PBX4: variants seen among roughly 807,000 people sequenced by gnomAD.
PBX4 encodes PBX homeobox 4.
PBX4 carries 26 observed loss-of-function variants against 35.1 expected under a neutral mutation model. That is an observed-to-expected ratio of 0.74 (90% CI 0.54 to 1.03). The LOEUF is 1.03. Among genes scored for constraint, PBX4 ranks in the 50% least tolerant of loss-of-function variants. The pLI is 0.00. For synonymous variants in PBX4, 199 were observed against 204.2 expected, an observed-to-expected ratio of 0.97 and a Z score of 0.22; for missense variants, 448 against 504.3, an observed-to-expected ratio of 0.89 and a Z score of 1.07.
chr19:19,577,462 G>T (rs1383208231), intron 2 of PBX4, among the ~76,000 whole-genome samples: 1 of 152,196 alleles, frequency 6.6e-6, no homozygotes, highest in South Asian at 2.1e-4. Flanking sequence ...ATGTGCATGA[G>T]TTTGGGCACA....
chr19:19,598,978 C>T (rs566983767), intron 2 of PBX4, among the ~76,000 whole-genome samples: 2 of 140,904 alleles, frequency 1.4e-5, no homozygotes, highest in Non-Finnish European at 3.0e-5. Context: ...AGTGCAATGG[C>T]GTGATCTTGG....
intron 2 of PBX4, among the ~76,000 whole-genome samples, chr19:19,585,965 CG>C (rs532020956): frequency 6.9e-4 from 105 of 152,272 alleles, no homozygotes; most frequent in African/African-American, 2.3e-3. Context: ...TCTCTTCACA[CG>C]GACGCGTGAG....
intron 5 of PBX4, among the ~76,000 whole-genome samples, chr19:19,568,057 C>T (rs1208294209): frequency 6.7e-6 from 1 of 149,708 alleles, no homozygotes. Context: ...CACATTCCAT[C>T]AGTATCCCTC....
At chr19:19,610,624 G>A (rs920260475) in intron 1 of PBX4, among the ~76,000 whole-genome samples, 8 of 151,464 alleles carry the variant, frequency 5.3e-5, no homozygotes, top group Non-Finnish European at 8.8e-5. Flanking sequence ...GGTGGCTGGC[G>A]CATGCATGTA....
chr19:19,615,345 T>C (rs78647113), intron 1 of PBX4, among the ~76,000 whole-genome samples: 1 of 127,382 alleles, frequency 7.9e-6, no homozygotes, highest in African/African-American at 2.9e-5. Flanking sequence ...CGGCCTTATA[T>C]AAAAAAAAAA....
rs2061318650 is a variant in PBX4, at chr19:19,563,114, G to A, written c.1032+395C>T. ...TCGCTGCCTTCCCAGCCAAGCTGCG[G>A]CACTGAGGTCTGAGCCCGAGGGAAG... On this transcript the variant is annotated intron_variant, in intron 7 of 7. Transcript: ENST00000251203. This position sits in a 1 kb window ranked among gnomAD's most constrained non-coding sequence, Gnocchi z 5.1. Among the ~76,000 whole-genome samples, 1 of 152,154 alleles carries A rather than the reference G, an allele frequency of 6.6e-6. No individual in the cohort carries two copies. The highest frequency in any genetic ancestry group is 2.4e-5 in the African/African-American group (1 of 41,434).
Position 19,563,598 on chromosome 19 carries a change from GGAAGGGTC to G in PBX4, c.935_942del (p.Gly312AlafsTer34). On this transcript the variant is annotated frameshift_variant, in exon 7 of 8. Transcript: ENST00000251203. LOFTEE classifies it high-confidence loss of function. The surrounding 1 kb of genome is among the most constrained non-coding windows in gnomAD (Gnocchi z 5.1). ...AAGGCGTCCCCAGCGCTGGGCAGCG[GGAAGGGTC>G]CAGAGGAGCCTGGAAGAGATGGGAG... 6.5e-7 allele frequency: 1 copy of G among 1,549,798 alleles called. No homozygotes were observed. Among genetic ancestry groups the G allele is most frequent in the Non-Finnish European group, 8.7e-7 (1 of 1,146,994 alleles).
At chr19:19,574,734 A>AAGCGATTCTCCTACCTCAGCCTCCCG (rs2061408404) in intron 2 of PBX4, among the ~76,000 whole-genome samples, 1 of 151,758 alleles carries the variant, frequency 6.6e-6, no homozygotes, top group African/African-American at 2.4e-5. Context: ...TTCTGGGTTC[A>AAGCGATTCTCCTACCTCAGCCTCCCG]AGCGATTCTC....
chr19:19,617,023 G>A (rs893275375), intron 1 of PBX4, among the ~76,000 whole-genome samples: 2 of 152,056 alleles, frequency 1.3e-5, no homozygotes, highest in Non-Finnish European at 2.9e-5. Context: ...CCCTGGCTAG[G>A]AACTTTCTCT....
intron 1 of PBX4, chr19:19,606,703 G>A (rs1280129905): frequency 6.6e-6 from 1 of 152,236 alleles, no homozygotes; most frequent in Non-Finnish European, 1.5e-5. Context: ...TTATGGCTGG[G>A]TGCCGTGGCT....
chr19:19,575,391 C>A (rs1600406735), intron 2 of PBX4, among the ~76,000 whole-genome samples: 1 of 152,136 alleles, frequency 6.6e-6, no homozygotes, highest in African/African-American at 2.4e-5. Flanking sequence ...CAAGTGGACA[C>A]CCTTGGACAG....
At chr19:19,609,843 T>A (rs1201547585) in intron 1 of PBX4, among the ~76,000 whole-genome samples, 1 of 151,804 alleles carries the variant, frequency 6.6e-6, no homozygotes, top group Non-Finnish European at 1.5e-5. Context: ...ACAGCGAGAC[T>A]CCGTCTCAAA....
intron 5 of PBX4, among the ~76,000 whole-genome samples, chr19:19,566,412 C>A (rs544320189): frequency 6.6e-6 from 1 of 152,234 alleles, no homozygotes; most frequent in South Asian, 2.1e-4. Flanking sequence ...TTCCTACAGG[C>A]ATGGAGACGT....
intron 1 of PBX4, among the ~76,000 whole-genome samples, chr19:19,601,901 G>A (rs2061599806): frequency 6.6e-6 from 1 of 152,170 alleles, no homozygotes; most frequent in African/African-American, 2.4e-5. Flanking sequence ...CATTTTGGGA[G>A]GCCGAGGCAG....
intron 5 of PBX4, among the ~76,000 whole-genome samples, chr19:19,566,956 C>T (rs889865395): frequency 6.6e-6 from 1 of 152,128 alleles, no homozygotes; most frequent in Non-Finnish European, 1.5e-5. Context: ...GTGATTCGTC[C>T]GCCTTGGCCT....
chr19:19,616,703 A>C (rs1260767514), intron 1 of PBX4, among the ~76,000 whole-genome samples: 1 of 151,792 alleles, frequency 6.6e-6, no homozygotes, highest in Non-Finnish European at 1.5e-5. Flanking sequence ...TTTTTTGTTC[A>C]GACGGAATCT....
chr19:19,604,757 C>T (rs1158286850), intron 1 of PBX4, among the ~76,000 whole-genome samples: 3 of 151,870 alleles, frequency 2.0e-5, no homozygotes, highest in East Asian at 2.0e-4. Context: ...CGTGCCACCA[C>T]ACTCAGCTAA....
intron 2 of PBX4, chr19:19,588,147 A>G (rs1048485530): frequency 5.1e-6 from 6 of 1,166,138 alleles, no homozygotes; most frequent in Middle Eastern, 2.9e-4. Flanking sequence ...GAGCTCCCCA[A>G]ATAGACAATC....
At position 19,563,326 on chromosome 19, in the gene PBX4, GCA is replaced by G. The variant is rs2061319907; in HGVS notation, c.1032+181_1032+182del. Among the ~76,000 whole-genome samples the G allele has an allele frequency of 6.6e-6, 1 of 152,164 alleles. No homozygotes were observed. Among genetic ancestry groups the G allele is most frequent in the Non-Finnish European group, 1.5e-5 (1 of 68,022 alleles). ...TGGTGACAAGTGGAGGTGGGGGAGG[GCA>G]CAGTCATTACAGAGTGGGGCCCTGC... On this transcript the variant is annotated intron_variant, in intron 7 of 7. Transcript: ENST00000251203. The surrounding 1 kb of genome is among the most constrained non-coding windows in gnomAD (Gnocchi z 5.1).
Sources: gnomAD v4.1 joint callset for allele counts (sites outside exome capture counted in the v4.1 genomes callset) on GRCh38, gnomAD v4.1.1 for gene constraint, Gnocchi (gnomAD v3.1) non-coding constraint, MANE v1.5 for transcripts, NCBI Gene and HGNC (gene_info 2026-07-23, HGNC 2026-07-21) for gene names.